The following FBXO34 variants were observed in gnomAD, a reference collection of about 807,000 sequenced individuals.
FBXO34 encodes the protein F-box protein 34.
In FBXO34, 12 loss-of-function variants were observed where a neutral mutation model predicts 24.5. The observed-to-expected ratio is 0.49, with a 90% confidence interval of 0.31 to 0.79. FBXO34 has a LOEUF of 0.79. Among genes scored for constraint, FBXO34 ranks in the 30% least tolerant of loss-of-function variants. The pLI is 0.04. For synonymous variants in FBXO34, 320 were observed against 311.9 expected (o/e 1.03, Z -0.27); for missense variants, 823 against 857.7 (o/e 0.96, Z 0.51).
At chr14:55,434,234 C>T in the FBXO34 span, among the ~76,000 whole-genome samples, 1 of 152,256 alleles carries the variant, frequency 6.6e-6, no homozygotes, top group African/African-American at 2.4e-5. Flanking sequence ...GATAGGCATG[C>T]TAAAGATGAA....
chr14:55,388,050 T>C, the FBXO34 span, among the ~76,000 whole-genome samples: 1 of 152,060 alleles, frequency 6.6e-6, no homozygotes. Context: ...GGCAGGAGAA[T>C]TGCTTGAACC....
intron 1 of FBXO34, among the ~76,000 whole-genome samples, chr14:55,312,927 C>A (rs111965728): frequency 0.058 from 8,830 of 152,310 alleles, 328 homozygotes; most frequent in South Asian, 0.089. Context: ...ACATTTGGCT[C>A]CTTGTTACTT....
At chr14:55,426,722 A>G in the FBXO34 span, among the ~76,000 whole-genome samples, 60,458 of 150,556 alleles carry the variant, frequency 0.4, 14,158 homozygotes, top group East Asian at 0.58. Context: ...TTAAAAAAAA[A>G]AAAAGAAAAG....
At chr14:55,346,371 G>A (rs140576591) in intron 1 of FBXO34, among the ~76,000 whole-genome samples, 3 of 152,322 alleles carry the variant, frequency 2.0e-5, no homozygotes, top group Non-Finnish European at 2.9e-5. Flanking sequence ...GTGACTTGGC[G>A]ATGAGATGTG....
the FBXO34 span, among the ~76,000 whole-genome samples, chr14:55,399,797 A>G: frequency 1.3e-5 from 2 of 152,226 alleles, no homozygotes; most frequent in Non-Finnish European, 2.9e-5. Flanking sequence ...AGAGGCCATA[A>G]AAGTTCTCCT....
intron 1 of FBXO34, among the ~76,000 whole-genome samples, chr14:55,323,017 C>CAA (rs1444620301): frequency 7.3e-5 from 3 of 40,892 alleles, no homozygotes; most frequent in South Asian, 8.7e-4. Context: ...ACTAAAAATA[C>CAA]AAAAAAAAAA....
At chr14:55,309,825 C>T (rs1882675391) in intron 1 of FBXO34, among the ~76,000 whole-genome samples, 1 of 152,076 alleles carries the variant, frequency 6.6e-6, no homozygotes, top group African/African-American at 2.4e-5. Flanking sequence ...ACACAAAGAC[C>T]ACTGGAGTTC....
At chr14:55,442,076 T>G in the FBXO34 span, among the ~76,000 whole-genome samples, 1 of 151,734 alleles carries the variant, frequency 6.6e-6, no homozygotes, top group African/African-American at 2.4e-5. Context: ...AATTGACACT[T>G]TTTATGTAAG....
At chr14:55,439,431 A>G in the FBXO34 span, among the ~76,000 whole-genome samples, 1 of 152,098 alleles carries the variant, frequency 6.6e-6, no homozygotes, top group Non-Finnish European at 1.5e-5. Context: ...CTGTCAAAGC[A>G]GAAACCCGTG....
At chr14:55,439,620 C>CCCCCCCCGCCG in the FBXO34 span, among the ~76,000 whole-genome samples, 1 of 134,286 alleles carries the variant, frequency 7.4e-6, no homozygotes, top group East Asian at 2.6e-4. Context: ...GCAAACCCCC[C>CCCCCCCCGCCG]CCCGTCTCTA....
chr14:55,441,441 C>T, the FBXO34 span, among the ~76,000 whole-genome samples: 2 of 152,246 alleles, frequency 1.3e-5, no homozygotes, highest in African/African-American at 2.4e-5. Flanking sequence ...CAGGCATGAG[C>T]CACTGCATTC....
chr14:55,439,471 T>C, the FBXO34 span, among the ~76,000 whole-genome samples: 4 of 148,404 alleles, frequency 2.7e-5, no homozygotes, highest in Non-Finnish European at 5.9e-5. Context: ...GCTAGCACAA[T>C]GCACTCTCTG....
chr14:55,306,200 T>C (rs1036585632), intron 1 of FBXO34, among the ~76,000 whole-genome samples: 2 of 152,252 alleles, frequency 1.3e-5, no homozygotes. Flanking sequence ...GCTAAATGTT[T>C]TGGACTTCAT....
At chr14:55,324,402 G>T (rs970013217) in intron 1 of FBXO34, among the ~76,000 whole-genome samples, 1 of 151,456 alleles carries the variant, frequency 6.6e-6, no homozygotes, top group Non-Finnish European at 1.5e-5. Flanking sequence ...ATAAACATTT[G>T]TATATAATTA....
chr14:55,321,164 G>GT (rs11454602), intron 1 of FBXO34, among the ~76,000 whole-genome samples: 47,555 of 140,746 alleles, frequency 0.34, 7,730 homozygotes, highest in Non-Finnish European at 0.35. Context: ...GATATGGGCG[G>GT]TTTTTTTTTT....
At chr14:55,422,335 TC>T in the FBXO34 span, among the ~76,000 whole-genome samples, 1 of 152,064 alleles carries the variant, frequency 6.6e-6, no homozygotes. Context: ...AACCTCCACC[TC>T]CTAGGTTCAA....
the FBXO34 span, among the ~76,000 whole-genome samples, chr14:55,390,572 C>G: frequency 1.3e-5 from 2 of 151,960 alleles, no homozygotes; most frequent in African/African-American, 2.4e-5. Flanking sequence ...GGAGTTTCAC[C>G]ATGTTAGTCA....
rs1884402400 is a variant in FBXO34, at chr14:55,351,972, G to T, written c.1582G>T (p.Ala528Ser). 1.2e-6 allele frequency: 2 copies of T among 1,614,064 alleles called. No individual in the cohort carries two copies. Among genetic ancestry groups the T allele is most frequent in the Non-Finnish European group, 1.7e-6 (2 of 1,180,044 alleles). ...DSASEEKSGS[A>S]EPFVLPASSV... ...TGCATCTGAGGAAAAAAGTGGGTCT[G>T]CTGAGCCATTTGTACTGCCAGCCTC... Residue 528 changes from alanine (A) to serine (S), a missense_variant, in exon 2 of 2, where the codon GCT becomes TCT. Physicochemically the swap from Ala to Ser is moderately conservative, Grantham distance 99 (BLOSUM62 1). Transcript: ENST00000313833.
rs139733227 is a variant in FBXO34 at position 55,290,605 on chromosome 14, C to T, written c.-11+19068C>T. ...GATCTCCAGCTATTGGAGCCCATTC[C>T]GAGCAGCAGGGTGCATGAAAGGGCA... On this transcript the variant is annotated intron_variant, in intron 1 of 1. Transcript: ENST00000313833. Among the ~76,000 whole-genome samples the T allele has an allele frequency of 8.5e-5, 13 of 152,136 alleles. No homozygotes were observed. In the East Asian group the frequency reaches 1.7e-3, roughly 20 times the overall value.
Sources: allele counts gnomAD v4.1 joint callset (sites outside exome capture counted in the v4.1 genomes callset), GRCh38; gene constraint gnomAD v4.1.1; transcripts MANE v1.5; gene names NCBI Gene and HGNC (gene_info 2026-07-23, HGNC 2026-07-21).